Variants in MNAT1 observed in about 807,000 individuals in gnomAD.
The protein encoded by MNAT1 is MNAT1 component of CDK activating kinase.
A neutral mutation model predicts 42.0 loss-of-function variants in MNAT1; 43 were observed. That is an observed-to-expected ratio of 1.02 (90% CI 0.80 to 1.32). The LOEUF (loss-of-function observed/expected upper bound fraction) is 1.32. Among genes scored for constraint, MNAT1 ranks in the 40% most tolerant of loss-of-function variants. MNAT1 has a pLI of 0.00. For synonymous variants in MNAT1, 118 were observed against 120.0 expected, an observed-to-expected ratio of 0.98 and a Z score of 0.11; for missense variants, 306 against 350.4, an observed-to-expected ratio of 0.87 and a Z score of 1.01.
intron 6 of MNAT1, among the ~76,000 whole-genome samples, chr14:60,864,773 A>G (rs1393451265): frequency 6.6e-6 from 1 of 151,836 alleles, no homozygotes; most frequent in South Asian, 2.1e-4. Flanking sequence ...TATGAGTGTG[A>G]TAGCGGTGGT....
At chr14:60,929,002 G>T (rs2035823015) in intron 7 of MNAT1, among the ~76,000 whole-genome samples, 1 of 150,630 alleles carries the variant, frequency 6.6e-6, no homozygotes, top group East Asian at 2.0e-4. Flanking sequence ...CAAAAAATTA[G>T]CCAGTGTGGT....
intron 7 of MNAT1, among the ~76,000 whole-genome samples, chr14:60,880,907 T>G (rs1259551830): frequency 1.2e-4 from 18 of 152,198 alleles, no homozygotes; most frequent in Non-Finnish European, 1.5e-5. Flanking sequence ...AATGCTAAAA[T>G]TGAAGTTTGA....
chr14:60,897,698 T>A (rs1279182528), intron 7 of MNAT1, among the ~76,000 whole-genome samples: 1 of 152,152 alleles, frequency 6.6e-6, no homozygotes, highest in African/African-American at 2.4e-5. Context: ...GTCAGGATAT[T>A]TGGGGTATCC....
At chr14:60,875,653 A>G (rs1566527911) in intron 6 of MNAT1, among the ~76,000 whole-genome samples, 1 of 152,106 alleles carries the variant, frequency 6.6e-6, no homozygotes, top group African/African-American at 2.4e-5. Context: ...AATGTTAACT[A>G]TTCTTATTCA....
In MNAT1 at chr14:60,740,482, A is replaced by T. The variant is rs1446181610; in HGVS notation, c.89+5531A>T. ...TTCTTCTGTTCTCAGTATTTCCTCT[A>T]AATTGTTAGTTATGTTTAAAAGTTT... On this transcript the variant is annotated intron_variant, in intron 1 of 7. Coordinates refer to ENST00000261245, the MANE Select transcript of MNAT1 (RefSeq NM_002431.4). The surrounding 1 kb of genome is among the most constrained non-coding windows in gnomAD (Gnocchi z 4.1). Among the ~76,000 whole-genome samples the T allele has an allele frequency of 6.6e-6, 1 of 152,030 alleles. No homozygotes were observed. The highest frequency in any genetic ancestry group is 2.4e-5 in the African/African-American group (1 of 41,398).
intron 6 of MNAT1, among the ~76,000 whole-genome samples, chr14:60,844,016 ATTT>A (rs1566790900): frequency 1.2e-4 from 18 of 152,210 alleles, no homozygotes; most frequent in African/African-American, 4.3e-4. Flanking sequence ...ATTTAGTTGT[ATTT>A]GTAGAGAATA....
At chr14:60,906,604 T>G (rs2035205201) in intron 7 of MNAT1, among the ~76,000 whole-genome samples, 2 of 152,188 alleles carry the variant, frequency 1.3e-5, no homozygotes, top group African/African-American at 4.8e-5. Flanking sequence ...AGAAGATTAC[T>G]TCCAAGGTTT....
At chr14:60,843,680 A>G (rs2033608387) in intron 6 of MNAT1, among the ~76,000 whole-genome samples, 2 of 152,212 alleles carry the variant, frequency 1.3e-5, no homozygotes, top group Admixed American at 1.3e-4. Flanking sequence ...ATGTTTTACA[A>G]TGTGTTGAAC....
At chr14:60,781,953 T>TTGTGTGTG (rs61229600) in intron 1 of MNAT1, among the ~76,000 whole-genome samples, 1 of 146,016 alleles carries the variant, frequency 6.8e-6, no homozygotes, top group Non-Finnish European at 1.5e-5. Context: ...TGGATTTTGT[T>TTGTGTGTG]TGTGTGTGTG....
At chr14:60,802,713 A>G (rs1027191259) in intron 3 of MNAT1, among the ~76,000 whole-genome samples, 2 of 152,180 alleles carry the variant, frequency 1.3e-5, no homozygotes, top group Non-Finnish European at 2.9e-5. Context: ...AGATAAATTC[A>G]AATATTATGA....
chr14:60,769,277 A>G (rs1318502713), intron 1 of MNAT1, among the ~76,000 whole-genome samples: 1 of 151,984 alleles, frequency 6.6e-6, no homozygotes, highest in Non-Finnish European at 1.5e-5. Flanking sequence ...TTTTTAAGAT[A>G]TATTTTAAAA....
chr14:60,768,007 G>C (rs751446244), intron 1 of MNAT1, among the ~76,000 whole-genome samples: 6 of 151,710 alleles, frequency 4.0e-5, no homozygotes, highest in Admixed American at 6.6e-5. Context: ...CTTATGATCT[G>C]CCTGCCTCGG....
At chr14:60,914,893 A>G (rs2139537440) in intron 7 of MNAT1, among the ~76,000 whole-genome samples, 1 of 152,354 alleles carries the variant, frequency 6.6e-6, no homozygotes, top group Middle Eastern at 3.4e-3. Context: ...ATTTTAGTTT[A>G]TGAGGGATTT....
At chr14:60,751,265 A>G (rs1204773402) in intron 1 of MNAT1, among the ~76,000 whole-genome samples, 2 of 151,050 alleles carry the variant, frequency 1.3e-5, no homozygotes, top group African/African-American at 4.9e-5. Flanking sequence ...GACTAAATAC[A>G]TTTTTTTTTA....
At chr14:60,910,032 T>TA (rs2035311559) in intron 7 of MNAT1, among the ~76,000 whole-genome samples, 1 of 152,206 alleles carries the variant, frequency 6.6e-6, no homozygotes, top group Non-Finnish European at 1.5e-5. Context: ...CTTGAAGAAG[T>TA]CCTTCACATC....
At chr14:60,911,169 T>C (rs2035347969) in intron 7 of MNAT1, among the ~76,000 whole-genome samples, 1 of 152,190 alleles carries the variant, frequency 6.6e-6, no homozygotes, top group Non-Finnish European at 1.5e-5. Context: ...TCGGTGGTGA[T>C]ATCCCCTTTG....
At chr14:60,784,739 A>T (rs1233661604) in intron 1 of MNAT1, among the ~76,000 whole-genome samples, 4 of 152,234 alleles carry the variant, frequency 2.6e-5, no homozygotes. Context: ...CTGGGATTAC[A>T]GGCATGAGCC....
At chr14:60,840,872 C>T (rs1207671912) in intron 6 of MNAT1, among the ~76,000 whole-genome samples, 1 of 152,076 alleles carries the variant, frequency 6.6e-6, no homozygotes, top group Non-Finnish European at 1.5e-5. Flanking sequence ...ACTGTATTAG[C>T]CAGGATGGTT....
chr14:60,735,529 CCAGA>C lies in MNAT1; in HGVS notation c.89+582_89+585del, dbSNP rs779374725. ...CTGGCATTTGAGTGCACATTTTGTG[CCAGA>C]CAGTGTTCTAAGCGCCTTACCATGA... On this transcript the variant is annotated intron_variant, in intron 1 of 7. Coordinates refer to ENST00000261245, the MANE Select transcript of MNAT1 (RefSeq NM_002431.4). Among the ~76,000 whole-genome samples the C allele has an allele frequency of 5.9e-5, 9 of 152,200 alleles. No homozygotes were observed. In the South Asian group the frequency reaches 6.2e-4, roughly 11 times the overall value.
Sources: gnomAD v4.1 joint callset for allele counts (sites outside exome capture counted in the v4.1 genomes callset) on GRCh38, gnomAD v4.1.1 for gene constraint, Gnocchi (gnomAD v3.1) non-coding constraint, MANE v1.5 for transcripts, NCBI Gene and HGNC (gene_info 2026-07-23, HGNC 2026-07-21) for gene names.